The following HDAC6 variants were observed in gnomAD, a reference collection of about 807,000 sequenced individuals.
HDAC6 encodes the protein protein deacetylase HDAC6.
HDAC6 carries 5 observed loss-of-function variants against 88.9 expected under a neutral mutation model. The observed-to-expected ratio is 0.06, with a 90% CI of 0.03 to 0.12. The LOEUF is 0.12. HDAC6 is among the 10% of genes least tolerant of loss of function. The pLI is 1.00. For missense variants in HDAC6, 706 were observed against 1,014.4 expected, an observed-to-expected ratio of 0.70 and a Z score of 4.13; for synonymous variants, 378 against 398.0, an observed-to-expected ratio of 0.95 and a Z score of 0.60.
upstream of HDAC6, chrX:48,801,803 G>A: frequency 2.1e-6 from 2 of 948,080 alleles, no homozygotes; most frequent in Non-Finnish European, 1.4e-6. Flanking sequence ...CTCTGGAGGC[G>A]GGATCTGGGC....
intron 4 of HDAC6, among the ~76,000 whole-genome samples, chrX:48,803,818 G>A (rs2062767596): frequency 8.9e-6 from 1 of 111,797 alleles, no homozygotes; most frequent in Non-Finnish European, 1.9e-5. Context: ...TCTATTATCT[G>A]TTCATGCAGC....
At chrX:48,803,866 A>G (rs1372562675) in intron 4 of HDAC6, among the ~76,000 whole-genome samples, 2 of 112,229 alleles carry the variant, frequency 1.8e-5, no homozygotes, top group Non-Finnish European at 3.8e-5. Context: ...GTCTTTGTTA[A>G]AATACTTTAA....
Position 48,817,387 on chromosome X carries a change from G to A in HDAC6, c.1853G>A (p.Cys618Tyr). The change falls in exon 20 of 29, where the codon TGC becomes TAC. Residue 618 changes from cysteine (C) to tyrosine (Y), a missense_variant. Coordinates refer to ENST00000334136, the MANE Select transcript of HDAC6 (RefSeq NM_006044.4). ...CACCACGCAGAGCAGGATGCAGCTTGCGGTTTTTGCTTTTTCAACTCTGTG... is the reference window on the plus strand; with the variant it reads ...CACCACGCAGAGCAGGATGCAGCTTACGGTTTTTGCTTTTTCAACTCTGTG... ...PGHHAEQDAA[C>Y]GFCFFNSVAV... is the part of the protein sequence containing the mutation. 8.3e-7 allele frequency: 1 copy of A among 1,210,907 alleles called. No homozygotes were observed. Among genetic ancestry groups the A allele is most frequent in the Admixed American group, 2.2e-5 (1 of 46,077 alleles).
Position 48,823,321 on chromosome X carries a change from C to T in HDAC6, c.2922C>T (p.Ala974=). 2.5e-6 allele frequency: 3 copies of T among 1,200,258 alleles called. No individual in the cohort carries two copies. Among genetic ancestry groups the T allele is most frequent in the Non-Finnish European group, 3.4e-6 (3 of 889,429 alleles). The part of the protein sequence containing the change: ...QTTSEDAVGG[A]TLGQTTSEEA... ...CCTCAGAGGATGCTGTTGGGGGAGC[C>T]ACGCTGGGCCAGACTACCTCAGAGG... Residue 974 remains alanine, a synonymous_variant, in exon 25 of 29, where the codon GCC becomes GCT. Coordinates refer to ENST00000334136, the MANE Select transcript of HDAC6 (RefSeq NM_006044.4).
rs2062981450 is a variant in HDAC6, at chrX:48,816,161, A to G, written c.1514A>G (p.Gln505Arg). The change falls in exon 18 of 29, where the codon CAG (glutamine) becomes CGG (arginine). Residue 505 changes from glutamine to arginine, a missense_variant. By Grantham distance (43) the Gln-to-Arg change is conservative. Transcript: ENST00000334136. ...LWDSHHPEVP[Q>R]RILRIMCRLE... The stretch of plus-strand genomic sequence containing the variant: ...GCTAGCCACCACCCTGAGGTACCCC[A>G]GCGCATCTTGCGGATCATGTGCCGT... The G allele has an allele frequency of 8.3e-7, 1 of 1,209,847 alleles. No homozygotes were observed. Among genetic ancestry groups the G allele is most frequent in the Non-Finnish European group, 1.1e-6 (1 of 895,186 alleles).
chrX:48,815,312 T>C (rs1557027168), intron 14 of HDAC6, 72 bp from the exon 15 acceptor site: 1 of 782,294 alleles, frequency 1.3e-6, no homozygotes, highest in East Asian at 3.4e-5. Context: ...ACTCTCTTAT[T>C]ATCATCATTA....
In HDAC6 at chrX:48,802,102, G is replaced by A. The variant is rs1456897245; in HGVS notation, c.-71G>A. 3.4e-6 allele frequency: 3 copies of A among 891,986 alleles called. No homozygotes were observed. The highest frequency in any genetic ancestry group is 4.2e-6 in the Non-Finnish European group (3 of 718,572). 73.5% of individuals were successfully genotyped at this position (891,986 alleles called of 1,213,427 possible). On this transcript the variant is annotated 5_prime_UTR_variant, in exon 1 of 29. Transcript: ENST00000334136. ...ACGGGGCAGTCCCCTGAGGAGCGGGGCTGGTTGAAACGCTAGGGGCGGGAT... is the reference window on the plus strand; with the variant it reads ...ACGGGGCAGTCCCCTGAGGAGCGGGACTGGTTGAAACGCTAGGGGCGGGAT...
intron 8 of HDAC6, among the ~76,000 whole-genome samples, chrX:48,807,774 A>G (rs2062840763): frequency 8.9e-6 from 1 of 112,208 alleles, no homozygotes; most frequent in East Asian, 2.8e-4. Flanking sequence ...GGCCTCCCAA[A>G]GTGCTGGGAT....
chrX:48,814,826 C>T lies in HDAC6; in HGVS notation c.1000-8C>T, dbSNP rs1403947182. On this transcript the variant is annotated splice_polypyrimidine_tract_variant and splice_region_variant and intron_variant, in intron 12 of 28. Coordinates refer to ENST00000334136, the MANE Select transcript of HDAC6 (RefSeq NM_006044.4). ...TAGGTAGCCTCATGGAGTCTGTTCC[C>T]CCTTCAGTTCCAGCCTCAGCTGGTC... The T allele has an allele frequency of 3.3e-6, 4 of 1,209,820 alleles. No individual in the cohort carries two copies. The highest frequency in any genetic ancestry group is 4.5e-6 in the Non-Finnish European group (4 of 894,910).
chrX:48,820,392 G>A, intron 23 of HDAC6, 137 bp downstream of exon 23: 1 of 526,003 alleles, frequency 1.9e-6, no homozygotes, highest in Non-Finnish European at 3.0e-6. Context: ...GTAGTAATAA[G>A]AATAACAGCA....
At chrX:48,807,843 CTTTGGAGACAGAGGG>C in intron 8 of HDAC6, among the ~76,000 whole-genome samples, 175 bp from the exon 9 acceptor site, 1 of 111,819 alleles carries the variant, frequency 8.9e-6, no homozygotes. Context: ...TTCAAATCTC[CTTTGGAGACAGAGGG>C]GTAGATTGGC....
rs982230450 is a variant in HDAC6, at chrX:48,802,475, G to A, written c.-30-188G>A. The A allele has an allele frequency of 1.1e-5, 12 of 1,061,791 alleles. No individual in the cohort carries two copies. The Admixed American group carries it at 1.5e-4, about 14-fold the overall frequency. The allele number at this position is 1,061,791 out of a possible 1,213,427, so 87.5% of individuals were successfully genotyped here. ...GGAGTCTAGCGGGCCGGGCGGGGCC[G>A]GGTAGAATGGCCACCTGAGTGGAGG... is the stretch of plus-strand genomic sequence containing the variant. On this transcript the variant is annotated intron_variant, in intron 1 of 28. Coordinates refer to ENST00000334136, the MANE Select transcript of HDAC6 (RefSeq NM_006044.4).
chrX:48,805,651 A>G lies in HDAC6; in HGVS notation c.417A>G (p.Glu139=), dbSNP rs1557024018. The change falls in exon 6 of 29, where the codon GAA becomes GAG. Residue 139 remains glutamate, a synonymous_variant. Coordinates refer to ENST00000334136, the MANE Select transcript of HDAC6 (RefSeq NM_006044.4). Reference sequence around the variant, plus strand: ...CCCAGGCCCGGTTTGCTGAAAAGGAAGAGCTGATGTTGGTTCACAGGTGAA... The same window carrying G: ...CCCAGGCCCGGTTTGCTGAAAAGGAGGAGCTGATGTTGGTTCACAGGTGAA... ...VSFQARFAEK[E]ELMLVHSLEY... The G allele has an allele frequency of 8.5e-7, 1 of 1,176,836 alleles. No homozygotes were observed. The highest frequency in any genetic ancestry group is 2.5e-5 in the Admixed American group (1 of 40,493).
At chrX:48,803,315 T>C (rs1161451608) in intron 4 of HDAC6, 99 bp downstream of exon 4, 1 of 642,522 alleles carries the variant, frequency 1.6e-6, no homozygotes, top group Admixed American at 2.9e-5. Flanking sequence ...GCCTGGATAC[T>C]GGAAGCAGAT....
intron 19 of HDAC6, chrX:48,816,941 G>GCT: frequency 6.8e-6 from 2 of 293,341 alleles, no homozygotes; most frequent in Non-Finnish European, 1.2e-5. Context: ...GCAACAGAGT[G>GCT]AGACCCTGTG....
At chrX:48,819,371 T>C (rs1557028899) in intron 22 of HDAC6, 1 of 117,990 alleles carries the variant, frequency 8.5e-6, no homozygotes, top group South Asian at 3.0e-4. Flanking sequence ...CCATCTTCTG[T>C]TTTGGAAGTG....
chrX:48,823,183 C>G lies in HDAC6; in HGVS notation c.2784C>G (p.Ala928=). 1.7e-6 allele frequency: 2 copies of G among 1,206,802 alleles called. No homozygotes were observed. Among genetic ancestry groups the G allele is most frequent in the Non-Finnish European group, 2.2e-6 (2 of 893,140 alleles). The change falls in exon 25 of 29, where the codon GCC becomes GCG. Residue 928 remains alanine (A), a synonymous_variant. Coordinates refer to ENST00000334136, the MANE Select transcript of HDAC6 (RefSeq NM_006044.4). ...ATLAQTISEA[A]IGGAMLGQTT... is the part of the protein sequence containing the mutation. ...TGGCCCAGACCATTTCTGAGGCAGC[C>G]ATTGGGGGAGCCATGCTGGGCCAGA...
At position 48,815,065 on chromosome X, in the gene HDAC6, C is replaced by T. The variant is rs1415078801; in HGVS notation, c.1149+14C>T. Reference sequence around the variant, plus strand: ...CTGTCTCTGGAGGTGAGTGACTCACCTTCGTCCCTCAGCCTGTGGATCCTG... The same window carrying T: ...CTGTCTCTGGAGGTGAGTGACTCACTTTCGTCCCTCAGCCTGTGGATCCTG... On this transcript the variant is annotated intron_variant, in intron 14 of 28. Coordinates refer to ENST00000334136, the MANE Select transcript of HDAC6 (RefSeq NM_006044.4). The T allele has an allele frequency of 1.7e-6, 2 of 1,151,640 alleles. No individual in the cohort carries two copies. Among genetic ancestry groups the T allele is most frequent in the Non-Finnish European group, 2.3e-6 (2 of 851,496 alleles). 94.9% of individuals were successfully genotyped at this position (1,151,640 alleles called of 1,213,427 possible).
chrX:48,814,147 G>A, intron 10 of HDAC6: 1 of 303,817 alleles, frequency 3.3e-6, no homozygotes, highest in Non-Finnish European at 5.9e-6. Context: ...GATGTTTGCT[G>A]AGGGAGAGGT....
Sources: gnomAD v4.1 joint callset for allele counts (sites outside exome capture counted in the v4.1 genomes callset) on GRCh38, gnomAD v4.1.1 for gene constraint, MANE v1.5 for transcripts, NCBI Gene and HGNC (gene_info 2026-07-23, HGNC 2026-07-21) for gene names.